Variants in NFASC observed in about 807,000 individuals in gnomAD.
NFASC encodes the protein neurofascin.
Under a neutral mutation model 147.5 loss-of-function variants are expected in NFASC, and 43 were observed. The observed-to-expected ratio is 0.29, with a 90% CI of 0.23 to 0.38. The LOEUF is 0.38. Among genes scored for constraint, NFASC ranks in the 10% least tolerant of loss-of-function variants. The probability of loss-of-function intolerance (pLI) is 1.00; values close to 1 mark genes in which losing one functional copy is unlikely to be tolerated. For synonymous variants in NFASC, 622 were observed against 665.5 expected, an observed-to-expected ratio of 0.93 and a Z score of 1.01; for missense variants, 1,320 against 1,689.0, an observed-to-expected ratio of 0.78 and a Z score of 3.83.
chr1:204,843,883 G>A (rs1200937913), intron 1 of NFASC, among the ~76,000 whole-genome samples: 2 of 151,848 alleles, frequency 1.3e-5, no homozygotes, highest in African/African-American at 2.4e-5. Flanking sequence ...AGCTAATTTT[G>A]TATTTTTACA....
rs534210615 is a variant in NFASC at position 204,970,738 on chromosome 1, C to T, written c.1126C>T (p.Pro376Ser). ...TGTCCAGTGGATGGTGAATGGGGAA[C>T]CTTTGCAATGTAAGTAGCGAGCTGT... Reference protein sequence around the residue: ...PTVQWMVNGEPLQSAPPNPNR... With the variant: ...PTVQWMVNGESLQSAPPNPNR... Residue 376 changes from proline (P) to serine (S), a missense_variant, in exon 11 of 30, where the codon CCT becomes TCT. Around this residue, in one of 3 missense-constraint regions of NFASC, gnomAD observed 981 missense variants for 1,289.5 expected, o/e 0.76. Transcript: ENST00000339876. 6.2e-7 allele frequency: 1 copy of T among 1,614,064 alleles called. No homozygotes were observed. The highest frequency in any genetic ancestry group is 8.5e-7 in the Non-Finnish European group (1 of 1,180,024).
chr1:204,944,496 A>C, intron 3 of NFASC, 90 bp downstream of exon 3: 2 of 972,534 alleles, frequency 2.1e-6, no homozygotes, highest in East Asian at 2.8e-5. Flanking sequence ...AGTTCAGATA[A>C]TCCAAGGAGA....
rs1230960172 is a variant in NFASC at position 204,962,143 on chromosome 1, C to A, written c.706+4317C>A. 4 of 1,613,326 alleles carry A rather than the reference C, an allele frequency of 2.5e-6. No homozygotes were observed. In the African/African-American group the frequency reaches 5.3e-5, roughly 22 times the overall value. On this transcript the variant is annotated intron_variant, in intron 8 of 29. Transcript: ENST00000339876. ...TAATGACTCGTCCTTAAGAAACCAC[C>A]CTGACATGTACAGTGGTGAGTCGCA...
chr1:204,910,684 G>C (rs1349383331), intron 1 of NFASC, among the ~76,000 whole-genome samples: 1 of 151,586 alleles, frequency 6.6e-6, no homozygotes, highest in Non-Finnish European at 1.5e-5. Flanking sequence ...AATTTTTTTT[G>C]TAGGGAGAAG....
chr1:205,011,734 G>A (rs960144794), intron 28 of NFASC, among the ~76,000 whole-genome samples: 4 of 152,146 alleles, frequency 2.6e-5, no homozygotes, highest in African/African-American at 9.7e-5. Flanking sequence ...AACTCTCAAC[G>A]GTTCGGTTTC....
chr1:204,906,890 A>T (rs1038150466), intron 1 of NFASC, among the ~76,000 whole-genome samples: 21 of 152,024 alleles, frequency 1.4e-4, no homozygotes, highest in Non-Finnish European at 2.6e-4. Context: ...TCACCATGTT[A>T]GCCAGGATGG....
chr1:205,016,772 G>C lies in NFASC; in HGVS notation c.*233G>C. ...GTGTGGGAGAGCTGGAGCCGTGGCTGAGCTCAGCTGGAGGGAGCCTGGCCC... is the reference window on the plus strand; with the variant it reads ...GTGTGGGAGAGCTGGAGCCGTGGCTCAGCTCAGCTGGAGGGAGCCTGGCCC... On this transcript the variant is annotated 3_prime_UTR_variant, in exon 30 of 30. Coordinates refer to ENST00000339876, the MANE Select transcript of NFASC (RefSeq NM_001005388.3). This position sits in a 1 kb window ranked among gnomAD's most constrained non-coding sequence, Gnocchi z 5.1. 3.4e-6 allele frequency: 2 copies of C among 596,552 alleles called. No homozygotes were observed. Among genetic ancestry groups the C allele is most frequent in the Non-Finnish European group, 6.2e-6 (2 of 323,660 alleles). 37.0% of individuals were successfully genotyped at this position (596,552 alleles called of 1,614,324 possible).
chr1:204,923,325 C>G (rs1278976353), intron 2 of NFASC, among the ~76,000 whole-genome samples: 1 of 152,024 alleles, frequency 6.6e-6, no homozygotes, highest in Non-Finnish European at 1.5e-5. Context: ...CTGAGCCGCC[C>G]CTCCCTCCTC....
intron 3 of NFASC, among the ~76,000 whole-genome samples, chr1:204,948,905 C>T (rs1407595371): frequency 6.6e-6 from 1 of 152,254 alleles, no homozygotes; most frequent in Non-Finnish European, 1.5e-5. Context: ...AGCCCCACCT[C>T]TCCTAAGAAT....
At chr1:204,848,719 G>A (rs1000101889) in intron 1 of NFASC, among the ~76,000 whole-genome samples, 1 of 152,230 alleles carries the variant, frequency 6.6e-6, no homozygotes, top group African/African-American at 2.4e-5. Flanking sequence ...TAATTTGAGA[G>A]TTGTTGCTAG....
At chr1:204,845,294 A>C (rs1676664398) in intron 1 of NFASC, among the ~76,000 whole-genome samples, 1 of 90,858 alleles carries the variant, frequency 1.1e-5, no homozygotes. Context: ...CTACTAAAAT[A>C]CAAAAAAAAA....
At chr1:204,938,756 ATG>A (rs770368971) in intron 2 of NFASC, among the ~76,000 whole-genome samples, 7 of 152,246 alleles carry the variant, frequency 4.6e-5, no homozygotes, top group Non-Finnish European at 8.8e-5. Context: ...CAGGTTGCCC[ATG>A]TGTGTGGACC....
intron 3 of NFASC, chr1:204,946,931 C>A: frequency 2.5e-6 from 1 of 393,926 alleles, no homozygotes; most frequent in Non-Finnish European, 5.1e-6. Context: ...GATGGTGATC[C>A]CTGCTGCCCT....
rs780986700 is a variant in NFASC, at chr1:204,974,304, G to A, written c.1391+14G>A. On this transcript the variant is annotated intron_variant, in intron 13 of 29. Coordinates refer to ENST00000339876, the MANE Select transcript of NFASC (RefSeq NM_001005388.3). Reference sequence around the variant, plus strand: ...CACACTGCGATGGTAAGTTCCAGGAGATCAGGCCTTCCACAGCAGGGGTCA... The same window carrying A: ...CACACTGCGATGGTAAGTTCCAGGAAATCAGGCCTTCCACAGCAGGGGTCA... 5 of 1,597,548 alleles carry A rather than the reference G, an allele frequency of 3.1e-6. No individual in the cohort carries two copies. The highest frequency in any genetic ancestry group is 1.7e-4 in the Middle Eastern group (1 of 6,042).
intron 1 of NFASC, among the ~76,000 whole-genome samples, chr1:204,855,875 G>A (rs1259162921): frequency 6.6e-6 from 1 of 152,116 alleles, no homozygotes; most frequent in Admixed American, 6.5e-5. Flanking sequence ...ACTGGGATTG[G>A]GCAGGAAAAG....
At chr1:204,882,085 G>A (rs1206351637) in intron 1 of NFASC, among the ~76,000 whole-genome samples, 4 of 152,094 alleles carry the variant, frequency 2.6e-5, no homozygotes, top group Admixed American at 1.3e-4. Context: ...TCAGAGTTGA[G>A]CCCAATCTCT....
intron 1 of NFASC, among the ~76,000 whole-genome samples, chr1:204,902,140 T>C (rs1292966737): frequency 6.6e-6 from 1 of 152,118 alleles, no homozygotes; most frequent in African/African-American, 2.4e-5. Context: ...CAACAAGTTT[T>C]AAAAATTAGT....
intron 1 of NFASC, among the ~76,000 whole-genome samples, chr1:204,849,545 G>C (rs1299646889): frequency 6.6e-6 from 1 of 152,178 alleles, no homozygotes; most frequent in Admixed American, 6.5e-5. Context: ...TGCTGATGCT[G>C]CTGGTCCAGG....
At chr1:204,901,489 G>A (rs1297980626) in intron 1 of NFASC, among the ~76,000 whole-genome samples, 1 of 152,194 alleles carries the variant, frequency 6.6e-6, no homozygotes, top group Admixed American at 6.5e-5. Flanking sequence ...TGAGAGCTTA[G>A]AGTTTATTTA....
Sources: allele counts gnomAD v4.1 joint callset (sites outside exome capture counted in the v4.1 genomes callset), GRCh38; gene constraint gnomAD v4.1.1; regional missense constraint gnomAD v4.1.1; non-coding constraint Gnocchi (gnomAD v3.1); transcripts MANE v1.5; gene names NCBI Gene and HGNC (gene_info 2026-07-23, HGNC 2026-07-21).